SDK1: variants seen among roughly 807,000 people sequenced by gnomAD.
SDK1 encodes protein sidekick-1.
Under a neutral mutation model 245.5 loss-of-function variants are expected in SDK1, and 157 were observed. That is an observed-to-expected ratio of 0.64 (90% CI 0.56 to 0.73). The LOEUF (loss-of-function observed/expected upper bound fraction) is 0.73, where lower values mean the gene tolerates loss of function less well. Ranked by LOEUF, SDK1 falls within the 30% of genes least tolerant of loss-of-function variation. The pLI is 0.00. For missense variants in SDK1, 3,583 were observed against 3,002.3 expected (o/e 1.19, Z -4.52); for synonymous variants, 1,647 against 1,278.5 (o/e 1.29, Z -6.15).
chr7:3,385,881 ACT>A (rs1233849364), intron 1 of SDK1, among the ~76,000 whole-genome samples: 2 of 152,152 alleles, frequency 1.3e-5, no homozygotes, highest in East Asian at 1.9e-4. Flanking sequence ...CACTTTAATG[ACT>A]CTGTCAGATG....
At chr7:3,662,748 C>T (rs1388823647) in intron 4 of SDK1, among the ~76,000 whole-genome samples, 2 of 152,172 alleles carry the variant, frequency 1.3e-5, no homozygotes, top group Non-Finnish European at 1.5e-5. Flanking sequence ...CATCCCACAT[C>T]TGAAAATCTG....
intron 1 of SDK1, among the ~76,000 whole-genome samples, chr7:3,361,793 C>T (rs557624299): frequency 6.6e-6 from 1 of 152,118 alleles, no homozygotes; most frequent in Non-Finnish European, 1.5e-5. Context: ...CGTTTCTATT[C>T]TCAATCAATC....
chr7:3,736,133 G>A (rs73304218), intron 4 of SDK1, among the ~76,000 whole-genome samples: 20,388 of 151,962 alleles, frequency 0.13, 2,122 homozygotes, highest in African/African-American at 0.28. Flanking sequence ...TTCTTATTCC[G>A]TAGGTTGCAT....
intron 32 of SDK1, among the ~76,000 whole-genome samples, chr7:4,169,818 C>A (rs543591330): frequency 6.6e-6 from 1 of 152,158 alleles, no homozygotes; most frequent in Admixed American, 6.5e-5. Flanking sequence ...TGCGGGAGGG[C>A]CCCTGGGCAC....
intron 1 of SDK1, among the ~76,000 whole-genome samples, chr7:3,508,315 T>C (rs969628873): frequency 7.6e-6 from 1 of 132,402 alleles, no homozygotes; most frequent in Non-Finnish European, 1.6e-5. Flanking sequence ...ATCATTCTTC[T>C]TCTTCTTCTT....
intron 1 of SDK1, among the ~76,000 whole-genome samples, chr7:3,509,581 T>G (rs1200076485): frequency 6.6e-6 from 1 of 152,156 alleles, no homozygotes; most frequent in African/African-American, 2.4e-5. Context: ...GAGACCCAAA[T>G]AGCTGAGTGT....
intron 13 of SDK1, among the ~76,000 whole-genome samples, chr7:3,986,760 C>T (rs1200968895): frequency 6.6e-6 from 1 of 152,182 alleles, no homozygotes; most frequent in Non-Finnish European, 1.5e-5. Context: ...ACTAGGGAGA[C>T]TGAGGCAGAG....
At chr7:3,848,218 C>A (rs575079881) in intron 5 of SDK1, among the ~76,000 whole-genome samples, 4 of 152,180 alleles carry the variant, frequency 2.6e-5, no homozygotes, top group Admixed American at 2.6e-4. Flanking sequence ...TAATTGGAAA[C>A]GCATCTCTTA....
At chr7:3,537,601 C>A (rs1460120444) in intron 1 of SDK1, among the ~76,000 whole-genome samples, 1 of 152,162 alleles carries the variant, frequency 6.6e-6, no homozygotes, top group Admixed American at 6.5e-5. Context: ...AAAAAATAAT[C>A]CAGTTTTTCT....
At chr7:3,635,536 T>C (rs1782431584) in intron 2 of SDK1, among the ~76,000 whole-genome samples, 1 of 152,212 alleles carries the variant, frequency 6.6e-6, no homozygotes, top group Non-Finnish European at 1.5e-5. Flanking sequence ...AGCATACACT[T>C]TGTCTTTTAC....
rs186183065 is a variant in SDK1, at chr7:3,776,221, G to C, written c.714-45229G>C. On this transcript the variant is annotated intron_variant, in intron 4 of 44. Transcript: ENST00000404826. ...TTGGAGGAGCTGTCTGTCTTCAGAAGAGAGAAACTTGTAAGCAGACATTGT... is the reference window on the plus strand; with the variant it reads ...TTGGAGGAGCTGTCTGTCTTCAGAACAGAGAAACTTGTAAGCAGACATTGT... Among the ~76,000 whole-genome samples the C allele has an allele frequency of 1.2e-3, 186 of 152,364 alleles. 1 individual carries two copies. In the Middle Eastern group the frequency reaches 0.048, roughly 39 times the overall value.
At chr7:3,410,691 G>C (rs946779247) in intron 1 of SDK1, among the ~76,000 whole-genome samples, 1 of 147,416 alleles carries the variant, frequency 6.8e-6, no homozygotes, top group African/African-American at 2.5e-5. Flanking sequence ...GGTTCAAGCA[G>C]TTCTCTTGCC....
At chr7:3,481,487 T>C (rs1278840919) in intron 1 of SDK1, among the ~76,000 whole-genome samples, 1 of 152,254 alleles carries the variant, frequency 6.6e-6, no homozygotes, top group Non-Finnish European at 1.5e-5. Context: ...CTGACCTCTT[T>C]GGACTGTTAG....
chr7:3,508,728 C>T (rs538350876), intron 1 of SDK1, among the ~76,000 whole-genome samples: 2 of 152,160 alleles, frequency 1.3e-5, no homozygotes, highest in African/African-American at 2.4e-5. Context: ...CTTGACACTT[C>T]GAACCCTAGT....
At chr7:3,674,035 T>A (rs1783808277) in intron 4 of SDK1, among the ~76,000 whole-genome samples, 2 of 152,186 alleles carry the variant, frequency 1.3e-5, no homozygotes, top group African/African-American at 4.8e-5. Context: ...TAAATGCTTT[T>A]AAGTCTTGAA....
At chr7:3,309,553 A>G (rs12700786) in intron 1 of SDK1, among the ~76,000 whole-genome samples, 22,209 of 131,650 alleles carry the variant, frequency 0.17, 2,690 homozygotes, top group African/African-American at 0.35. Context: ...ACATGAGTGT[A>G]TAAACTGTTC....
At chr7:3,811,123 A>G (rs1779372849) in intron 4 of SDK1, among the ~76,000 whole-genome samples, 1 of 152,152 alleles carries the variant, frequency 6.6e-6, no homozygotes, top group Admixed American at 6.5e-5. Flanking sequence ...CGTACATGGA[A>G]TTTGTAGCTT....
chr7:4,147,470 G>A (rs559261642), intron 29 of SDK1, among the ~76,000 whole-genome samples: 27 of 152,142 alleles, frequency 1.8e-4, no homozygotes, highest in South Asian at 6.2e-4. Context: ...GTCTTACTAC[G>A]TTGCCCAGGC....
chr7:3,888,133 C>G (rs1263294365), intron 5 of SDK1, among the ~76,000 whole-genome samples: 2 of 152,208 alleles, frequency 1.3e-5, no homozygotes. Context: ...TGACTTCTCT[C>G]ATCAGTGAAT....
Sources: gnomAD v4.1 joint callset for allele counts (sites outside exome capture counted in the v4.1 genomes callset) on GRCh38, gnomAD v4.1.1 for gene constraint, MANE v1.5 for transcripts, NCBI Gene and HGNC (gene_info 2026-07-23, HGNC 2026-07-21) for gene names.